The following SPNS2 variants were observed in gnomAD, a reference collection of about 807,000 sequenced individuals.
The protein encoded by SPNS2 is sphingosine-1-phosphate transporter SPNS2.
A neutral mutation model predicts 57.6 loss-of-function variants in SPNS2; 37 were observed. The observed-to-expected ratio is 0.64, with a 90% CI of 0.49 to 0.85. The LOEUF (loss-of-function observed/expected upper bound fraction) is 0.85. Among genes scored for constraint, SPNS2 ranks in the 40% least tolerant of loss-of-function variants. SPNS2 has a pLI of 0.00. For synonymous variants in SPNS2, 440 were observed against 346.9 expected (o/e 1.27, Z -2.98); for missense variants, 831 against 779.1 (o/e 1.07, Z -0.79).
chr17:4,533,983 C>T lies in SPNS2; in HGVS notation c.1344+130C>T, dbSNP rs990418900. 8 of 888,608 alleles carry T rather than the reference C, an allele frequency of 9.0e-6. No homozygotes were observed. The East Asian group carries it at 1.0e-4, about 12-fold the overall frequency. 55.0% of individuals were successfully genotyped at this position (888,608 alleles called of 1,614,324 possible). A position where few individuals can be genotyped will look rare whatever the true frequency, so the allele number is the denominator to read the frequency against. Reference sequence around the variant, plus strand: ...AGGCAGGCCTGCCAGGAACGTGAACCCAGAGGCAGGGAGGGGATCAGAGAG... The same window carrying T: ...AGGCAGGCCTGCCAGGAACGTGAACTCAGAGGCAGGGAGGGGATCAGAGAG... On this transcript the variant is annotated intron_variant, in intron 9 of 12. Transcript: ENST00000329078.
At chr17:4,524,714 A>G (rs1905221709) in intron 2 of SPNS2, among the ~76,000 whole-genome samples, 1 of 152,230 alleles carries the variant, frequency 6.6e-6, no homozygotes, top group African/African-American at 2.4e-5. Context: ...TTAAAAAGAT[A>G]TGTGAGATAT....
intron 9 of SPNS2, among the ~76,000 whole-genome samples, chr17:4,534,794 A>T (rs535059210): frequency 2.0e-5 from 3 of 148,204 alleles, no homozygotes; most frequent in Non-Finnish European, 4.4e-5. Context: ...CGCCAGGGTC[A>T]CTGCACAGGC....
In SPNS2 at chr17:4,531,081, G is replaced by T. The variant is rs776505395; in HGVS notation, c.754G>T (p.Val252Leu). ...CCTGGGCTACATTACTGGCTCCAGC[G>T]TGAAGCAGGCAGCCGGAGACTGGCA... ...SGLGYITGSS[V>L]KQAAGDWHWA... Residue 252 changes from valine to leucine, a missense_variant, in exon 5 of 13, where the codon GTG becomes TTG. Val to Leu is a conservative substitution (Grantham distance 32). Transcript: ENST00000329078. The T allele has an allele frequency of 1.2e-6, 2 of 1,614,008 alleles. No individual in the cohort carries two copies. The highest frequency in any genetic ancestry group is 1.7e-6 in the Non-Finnish European group (2 of 1,180,016).
At chr17:4,516,556 G>T (rs79696305) in intron 2 of SPNS2, among the ~76,000 whole-genome samples, 1 of 152,098 alleles carries the variant, frequency 6.6e-6, no homozygotes, top group Non-Finnish European at 1.5e-5. Flanking sequence ...GGCTGTGGGA[G>T]CCTGGGTGGA....
At chr17:4,533,930 G>T in intron 9 of SPNS2, 77 bp downstream of exon 9, 7 of 1,220,046 alleles carry the variant, frequency 5.7e-6, no homozygotes, top group South Asian at 1.2e-5. Flanking sequence ...TGGGGAGGGC[G>T]GGTGAAGGGG....
At position 4,499,104 on chromosome 17, in the gene SPNS2, G is replaced by A. The variant is rs1904369290; in HGVS notation, c.57G>A (p.Ala19=). 1.8e-6 allele frequency: 2 copies of A among 1,084,972 alleles called. No individual in the cohort carries two copies. Among genetic ancestry groups the A allele is most frequent in the African/African-American group, 1.7e-5 (1 of 59,258 alleles). The allele number at this position is 1,084,972 out of a possible 1,614,324, so 67.2% of individuals were successfully genotyped here. ...CGGGCGGCGCGGAGGAGGAGGAGGCGGACGCGGAGCGGCGGCGCCGGCGCC... is the reference window on the plus strand; with the variant it reads ...CGGGCGGCGCGGAGGAGGAGGAGGCAGACGCGGAGCGGCGGCGCCGGCGCC... The part of the protein sequence containing the change: ...AAAGGAEEEE[A]DAERRRRRRG... The change falls in exon 1 of 13, where the codon GCG becomes GCA. Residue 19 remains alanine (A), a synonymous_variant. Transcript: ENST00000329078. The surrounding 1 kb of genome is among the most constrained non-coding windows in gnomAD (Gnocchi z 5.2).
chr17:4,529,831 A>G (rs1905385127), intron 3 of SPNS2, among the ~76,000 whole-genome samples: 1 of 152,196 alleles, frequency 6.6e-6, no homozygotes, highest in Non-Finnish European at 1.5e-5. Context: ...TGAAGGGGTC[A>G]GAGATGGGCC....
intron 2 of SPNS2, among the ~76,000 whole-genome samples, chr17:4,523,162 G>C (rs910057317): frequency 1.3e-5 from 2 of 152,234 alleles, no homozygotes; most frequent in Admixed American, 1.3e-4. Flanking sequence ...GTGGTGGCCG[G>C]GTGCAGTGGC....
Position 4,510,200 on chromosome 17 carries a change from C to T in SPNS2, c.371-3047C>T, listed in dbSNP as rs1024177613. 1.3e-5 allele frequency among the ~76,000 whole-genome samples: 2 copies of T among 152,244 alleles called. No homozygotes were observed. Among genetic ancestry groups the T allele is most frequent in the South Asian group, 2.1e-4 (1 of 4,836 alleles). ...TCAGCCCAGGTCCGACCTTGGGCCTCGCAGCCTGCAGGAAGCCCTGCTCCC... is the reference window on the plus strand; with the variant it reads ...TCAGCCCAGGTCCGACCTTGGGCCTTGCAGCCTGCAGGAAGCCCTGCTCCC... On this transcript the variant is annotated intron_variant, in intron 1 of 12. Transcript: ENST00000329078. The surrounding 1 kb of genome is among the most constrained non-coding windows in gnomAD (Gnocchi z 4.4).
At chr17:4,503,112 T>G (rs1904574831) in intron 1 of SPNS2, among the ~76,000 whole-genome samples, 1 of 152,184 alleles carries the variant, frequency 6.6e-6, no homozygotes, top group Non-Finnish European at 1.5e-5. Flanking sequence ...CTTGCGCAGA[T>G]GGGAACACAG....
intron 1 of SPNS2, among the ~76,000 whole-genome samples, chr17:4,508,201 C>G (rs1472597054): frequency 1.3e-5 from 2 of 152,112 alleles, no homozygotes; most frequent in Non-Finnish European, 2.9e-5. Context: ...AGAGGTGAGG[C>G]AGGTCTTAAT....
intron 9 of SPNS2, among the ~76,000 whole-genome samples, chr17:4,535,019 C>A (rs1044158586): frequency 6.6e-6 from 1 of 152,198 alleles, no homozygotes; most frequent in African/African-American, 2.4e-5. Context: ...ACCCGCCCCC[C>A]ACCTCTCCCG....
chr17:4,516,019 T>G (rs903461440), intron 2 of SPNS2, among the ~76,000 whole-genome samples: 1 of 152,184 alleles, frequency 6.6e-6, no homozygotes, highest in African/African-American at 2.4e-5. Context: ...CACAGCAGAA[T>G]TACAGCTCAT....
rs1487024172 is a variant in SPNS2, at chr17:4,499,869, C to T, written c.370+452C>T. Among the ~76,000 whole-genome samples the T allele has an allele frequency of 1.3e-5, 2 of 152,090 alleles. No individual in the cohort carries two copies. Among genetic ancestry groups the T allele is most frequent in the Non-Finnish European group, 2.9e-5 (2 of 68,020 alleles). ...TTCCTTCCTTTCTCCGCCGCCTCCA[C>T]CCCCCTGCGTGCGTGCGGCGAGTGC... On this transcript the variant is annotated intron_variant, in intron 1 of 12. Coordinates refer to ENST00000329078, the MANE Select transcript of SPNS2 (RefSeq NM_001124758.3). The surrounding 1 kb of genome is among the most constrained non-coding windows in gnomAD (Gnocchi z 5.2).
chr17:4,518,972 T>A lies in SPNS2; in HGVS notation c.436+5660T>A, dbSNP rs566979653. Among the ~76,000 whole-genome samples the A allele has an allele frequency of 3.9e-5, 6 of 152,252 alleles. No individual in the cohort carries two copies. In the South Asian group the frequency reaches 1.2e-3, roughly 32 times the overall value. ...ATCACAGAGCAGGTGTTCCCGTCCT[T>A]CCACCGGGAAGTCTGAGCGTGGTGA... On this transcript the variant is annotated intron_variant, in intron 2 of 12. Transcript: ENST00000329078.
chr17:4,533,835 C>A lies in SPNS2; in HGVS notation c.1326C>A (p.Ile442=), dbSNP rs1396090733. Residue 442 remains isoleucine, a synonymous_variant, in exon 9 of 13, where the codon ATC becomes ATA. Transcript: ENST00000329078. ...GETLLFSNWA[I]TADILMYVVI... ...CGCTGCTGTTTTCTAACTGGGCCAT[C>A]ACTGCAGACATCCTCATGGTGAGCC... 6.2e-7 allele frequency: 1 copy of A among 1,613,082 alleles called. No individual in the cohort carries two copies. The highest frequency in any genetic ancestry group is 1.3e-5 in the African/African-American group (1 of 74,938).
rs555019492 is a variant in SPNS2 at position 4,511,706 on chromosome 17, T to C, written c.371-1541T>C. On this transcript the variant is annotated intron_variant, in intron 1 of 12. Coordinates refer to ENST00000329078, the MANE Select transcript of SPNS2 (RefSeq NM_001124758.3). The surrounding 1 kb of genome is among the most constrained non-coding windows in gnomAD (Gnocchi z 4.6). ...CATTAACTGGGCCTCACACAGCCTC[T>C]TCATTACGGGTAATTATGGTCAACC... 6.6e-6 allele frequency among the ~76,000 whole-genome samples: 1 copy of C among 152,314 alleles called. No homozygotes were observed. The highest frequency in any genetic ancestry group is 2.1e-4 in the South Asian group (1 of 4,820).
At chr17:4,532,512 C>T (rs1905534105) in intron 5 of SPNS2, 30 bp from the exon 6 acceptor site, 4 of 1,614,104 alleles carry the variant, frequency 2.5e-6, no homozygotes, top group Non-Finnish European at 3.4e-6. Flanking sequence ...TCACTGGGCC[C>T]TGGTGTCCTA....
intron 3 of SPNS2, among the ~76,000 whole-genome samples, chr17:4,525,461 G>A (rs2144349115): frequency 6.6e-6 from 1 of 152,352 alleles, no homozygotes; most frequent in East Asian, 1.9e-4. Context: ...TCTGATTTGG[G>A]ATGGATGCAA....
Sources: gnomAD v4.1 joint callset for allele counts (sites outside exome capture counted in the v4.1 genomes callset) on GRCh38, gnomAD v4.1.1 for gene constraint, Gnocchi (gnomAD v3.1) non-coding constraint, MANE v1.5 for transcripts, NCBI Gene and HGNC (gene_info 2026-07-23, HGNC 2026-07-21) for gene names.